Variants in LRRN1 observed in about 807,000 individuals in gnomAD.
LRRN1 encodes the protein leucine rich repeat neuronal 1.
LRRN1 carries 14 observed loss-of-function variants against 45.8 expected under a neutral mutation model. That is an observed-to-expected ratio of 0.31 (90% CI 0.20 to 0.48). LRRN1 has a LOEUF of 0.48. LRRN1 is among the 20% of genes least tolerant of loss of function. LRRN1 has a pLI of 0.99. For synonymous variants in LRRN1, 359 were observed against 330.1 expected, an observed-to-expected ratio of 1.09 and a Z score of -0.95; for missense variants, 789 against 874.2, an observed-to-expected ratio of 0.90 and a Z score of 1.23.
At chr3:3,830,180 C>T (rs1693334812) in intron 1 of LRRN1, among the ~76,000 whole-genome samples, 2 of 152,180 alleles carry the variant, frequency 1.3e-5, no homozygotes, top group African/African-American at 4.8e-5. Flanking sequence ...TATTAAAAGC[C>T]TCCTCTGCTG....
chr3:3,802,920 C>T (rs144554827), intron 1 of LRRN1, among the ~76,000 whole-genome samples: 2 of 152,248 alleles, frequency 1.3e-5, no homozygotes, highest in East Asian at 1.9e-4. Context: ...CCTGTGTAAT[C>T]GTTATTCTGC....
Position 3,845,717 on chromosome 3 carries a change from C to G in LRRN1, c.1076C>G (p.Ser359Cys), listed in dbSNP as rs1448376740. The change falls in exon 2 of 2, where the codon TCC (serine) becomes TGC (cysteine). Residue 359 changes from serine to cysteine, a missense_variant. Physicochemically the swap from Ser to Cys is moderately radical, Grantham distance 112. Transcript: ENST00000319331. This position sits in a 1 kb window ranked among gnomAD's most constrained non-coding sequence, Gnocchi z 6.5. Reference protein sequence around the residue: ...LNAIYQKTVESLPNLREISIH... With the variant: ...LNAIYQKTVECLPNLREISIH... The stretch of plus-strand genomic sequence containing the variant: ...GCCATTTACCAAAAGACAGTCGAAT[C>G]CCTCCCCAATCTGCGTGAGATCAGT... The G allele has an allele frequency of 6.2e-7, 1 of 1,614,028 alleles. No individual in the cohort carries two copies. Among genetic ancestry groups the G allele is most frequent in the South Asian group, 1.1e-5 (1 of 91,076 alleles).
intron 1 of LRRN1, among the ~76,000 whole-genome samples, chr3:3,831,276 A>C (rs2106464032): frequency 6.6e-6 from 1 of 152,336 alleles, no homozygotes; most frequent in Non-Finnish European, 1.5e-5. Flanking sequence ...ACAGCAACTT[A>C]TCCTTCACCT....
chr3:3,844,407 G>C lies in LRRN1; in HGVS notation c.-235G>C. On this transcript the variant is annotated 5_prime_UTR_variant, in exon 2 of 2. Coordinates refer to ENST00000319331, the MANE Select transcript of LRRN1 (RefSeq NM_020873.7). Reference sequence around the variant, plus strand: ...ATTTGGCTGAAATAATTCATGCCACGGACCTGTGCACATGCCTGGAATTGA... The same window carrying C: ...ATTTGGCTGAAATAATTCATGCCACCGACCTGTGCACATGCCTGGAATTGA... 1 of 443,982 alleles carries C rather than the reference G, an allele frequency of 2.3e-6. No individual in the cohort carries two copies. Among genetic ancestry groups the C allele is most frequent in the South Asian group, 4.6e-5 (1 of 21,566 alleles). 27.5% of individuals were successfully genotyped at this position (443,982 alleles called of 1,614,324 possible).
intron 1 of LRRN1, among the ~76,000 whole-genome samples, chr3:3,833,902 G>A (rs1052697705): frequency 3.9e-5 from 6 of 152,294 alleles, no homozygotes; most frequent in Admixed American, 6.5e-5. Flanking sequence ...CCCATTCCAA[G>A]TTGCAGGGTT....
At position 3,849,728 on chromosome 3, in the gene LRRN1, TG is replaced by T. The variant is rs1693857510; in HGVS notation, c.*2938del. 6.6e-6 allele frequency among the ~76,000 whole-genome samples: 1 copy of T among 152,214 alleles called. No homozygotes were observed. Among genetic ancestry groups the T allele is most frequent in the Admixed American group, 6.5e-5 (1 of 15,276 alleles). Reference sequence around the variant, plus strand: ...TTAATGAAAAATTGAACTGATGCCATGGATATAAAAACAAATGTAATGTTTG... The same window carrying T: ...TTAATGAAAAATTGAACTGATGCCATGATATAAAAACAAATGTAATGTTTG... On this transcript the variant is annotated 3_prime_UTR_variant, in exon 2 of 2. Coordinates refer to ENST00000319331, the MANE Select transcript of LRRN1 (RefSeq NM_020873.7).
chr3:3,811,181 C>G (rs1692865481), intron 1 of LRRN1, among the ~76,000 whole-genome samples: 1 of 152,102 alleles, frequency 6.6e-6, no homozygotes, highest in South Asian at 2.1e-4. Flanking sequence ...AAAAAAAACC[C>G]TAGACAAGGA....
chr3:3,842,837 G>A (rs1026053626), intron 1 of LRRN1, among the ~76,000 whole-genome samples: 1 of 152,104 alleles, frequency 6.6e-6, no homozygotes, highest in African/African-American at 2.4e-5. Context: ...GATCCATAAT[G>A]GCTTTTTACA....
At chr3:3,828,520 A>T (rs893573724) in intron 1 of LRRN1, among the ~76,000 whole-genome samples, 11 of 152,078 alleles carry the variant, frequency 7.2e-5, no homozygotes, top group Admixed American at 2.6e-4. Flanking sequence ...AATACTTTGT[A>T]TCCCTCAATC....
rs539388619 is a variant in LRRN1, at chr3:3,846,672, A to T, written c.2031A>T (p.Leu677=). ...TGCAAAAAACCTCTTCAATCCCACTAAATGAGCTGTACCCACCACTCATTA... is the reference window on the plus strand; with the variant it reads ...TGCAAAAAACCTCTTCAATCCCACTTAATGAGCTGTACCCACCACTCATTA... The part of the protein sequence containing the change: ...KYMQKTSSIP[L]NELYPPLINL... Residue 677 remains leucine (L), a synonymous_variant, in exon 2 of 2, where the codon CTA becomes CTT. Coordinates refer to ENST00000319331, the MANE Select transcript of LRRN1 (RefSeq NM_020873.7). This position sits in a 1 kb window ranked among gnomAD's most constrained non-coding sequence, Gnocchi z 5.7. 2.8e-4 allele frequency: 446 copies of T among 1,613,992 alleles called. 5 individuals carry two copies. The South Asian group carries it at 4.6e-3, about 17-fold the overall frequency.
chr3:3,800,261 G>T (rs2106446653), intron 1 of LRRN1, among the ~76,000 whole-genome samples: 1 of 152,226 alleles, frequency 6.6e-6, no homozygotes, highest in South Asian at 2.1e-4. Flanking sequence ...ACCAGGGGAG[G>T]GAGGTGCCCG....
At chr3:3,820,571 G>C (rs1444587671) in intron 1 of LRRN1, among the ~76,000 whole-genome samples, 2 of 152,206 alleles carry the variant, frequency 1.3e-5, no homozygotes, top group Non-Finnish European at 1.5e-5. Context: ...ACCTTTGCTT[G>C]CTTCCATCCT....
In LRRN1 at chr3:3,849,156, C is replaced by T. The variant is rs925923507; in HGVS notation, c.*2364C>T. On this transcript the variant is annotated 3_prime_UTR_variant, in exon 2 of 2. Transcript: ENST00000319331. ...CTGCAATTGCAAATCTGCGAGGTTT[C>T]ATTCGGCCCATAAAGCAAACATTTG... Among the ~76,000 whole-genome samples, 2 of 152,188 alleles carry T rather than the reference C, an allele frequency of 1.3e-5. No individual in the cohort carries two copies. Among genetic ancestry groups the T allele is most frequent in the Admixed American group, 6.5e-5 (1 of 15,286 alleles).
Position 3,846,867 on chromosome 3 carries a change from T to A in LRRN1, c.*75T>A, listed in dbSNP as rs113574781. On this transcript the variant is annotated 3_prime_UTR_variant, in exon 2 of 2. Transcript: ENST00000319331. This position sits in a 1 kb window ranked among gnomAD's most constrained non-coding sequence, Gnocchi z 5.7. ...CTTTATTCTGCAAAAGTGAACAAGTTGAAGACTTTTGTATTTTTGACTTTG... is the reference window on the plus strand; with the variant it reads ...CTTTATTCTGCAAAAGTGAACAAGTAGAAGACTTTTGTATTTTTGACTTTG... 4.9e-6 allele frequency: 6 copies of A among 1,228,474 alleles called. No homozygotes were observed. The African/African-American group carries it at 6.1e-5, about 13-fold the overall frequency. The allele number at this position is 1,228,474 out of a possible 1,614,324, so 76.1% of individuals were successfully genotyped here. A position where few individuals can be genotyped will look rare whatever the true frequency, so the allele number is the denominator to read the frequency against.
intron 1 of LRRN1, among the ~76,000 whole-genome samples, chr3:3,832,527 A>T (rs1379004527): frequency 6.6e-6 from 1 of 152,216 alleles, no homozygotes; most frequent in African/African-American, 2.4e-5. Flanking sequence ...GATCAACATC[A>T]GCTCAGAGCC....
intron 1 of LRRN1, among the ~76,000 whole-genome samples, chr3:3,840,336 T>C (rs1693621936): frequency 6.6e-6 from 1 of 152,194 alleles, no homozygotes; most frequent in African/African-American, 2.4e-5. Flanking sequence ...AACTTGTTCA[T>C]GGTATATAAT....
At chr3:3,802,455 C>T (rs1056522523) in intron 1 of LRRN1, among the ~76,000 whole-genome samples, 1 of 151,946 alleles carries the variant, frequency 6.6e-6, no homozygotes, top group Non-Finnish European at 1.5e-5. Flanking sequence ...AAATACAACA[C>T]CCCCCCAACC....
At position 3,844,855 on chromosome 3, in the gene LRRN1, A is replaced by G; in HGVS notation, c.214A>G (p.Ser72Gly). ...RLTRIPSNLS[S>G]DTQVLLLQSN... Reference sequence around the variant, plus strand: ...AACAAGGATTCCCAGTAACCTCTCTAGTGACACACAAGTGCTTCTCTTACA... The same window carrying G: ...AACAAGGATTCCCAGTAACCTCTCTGGTGACACACAAGTGCTTCTCTTACA... Residue 72 changes from serine to glycine, a missense_variant, in exon 2 of 2, where the codon AGT (serine) becomes GGT (glycine). By Grantham distance (56) the Ser-to-Gly change is moderately conservative. Coordinates refer to ENST00000319331, the MANE Select transcript of LRRN1 (RefSeq NM_020873.7). The G allele has an allele frequency of 6.2e-7, 1 of 1,614,182 alleles. No individual in the cohort carries two copies. Among genetic ancestry groups the G allele is most frequent in the Non-Finnish European group, 8.5e-7 (1 of 1,180,028 alleles).
At chr3:3,838,520 G>A (rs981356167) in intron 1 of LRRN1, among the ~76,000 whole-genome samples, 28 of 152,244 alleles carry the variant, frequency 1.8e-4, no homozygotes, top group Admixed American at 7.2e-4. Flanking sequence ...TTAAGATTCC[G>A]CTTTAATTCT....
Sources: allele counts gnomAD v4.1 joint callset (sites outside exome capture counted in the v4.1 genomes callset), GRCh38; gene constraint gnomAD v4.1.1; non-coding constraint Gnocchi (gnomAD v3.1); transcripts MANE v1.5; gene names NCBI Gene and HGNC (gene_info 2026-07-23, HGNC 2026-07-21).